IRAK1BP1: variants seen among roughly 807,000 people sequenced by gnomAD.
The protein encoded by IRAK1BP1 is interleukin 1 receptor associated kinase 1 binding protein 1.
Under a neutral mutation model 28.0 loss-of-function variants are expected in IRAK1BP1, and 24 were observed. That is an observed-to-expected ratio of 0.86 (90% CI 0.62 to 1.20). IRAK1BP1 has a LOEUF of 1.20. IRAK1BP1 is among the 50% of genes most tolerant of loss of function. IRAK1BP1 has a pLI of 0.00. For missense variants in IRAK1BP1, 336 were observed against 316.7 expected, an observed-to-expected ratio of 1.06 and a Z score of -0.46; for synonymous variants, 131 against 116.3, an observed-to-expected ratio of 1.13 and a Z score of -0.81.
chr6:78,877,426 T>C (rs1285907723), intron 1 of IRAK1BP1, among the ~76,000 whole-genome samples: 2 of 152,238 alleles, frequency 1.3e-5, no homozygotes, highest in Admixed American at 6.5e-5. Flanking sequence ...TATTTTACTA[T>C]ATAGAGAAGC....
At chr6:78,877,242 C>T (rs1173579869) in intron 1 of IRAK1BP1, among the ~76,000 whole-genome samples, 6 of 152,284 alleles carry the variant, frequency 3.9e-5, no homozygotes, top group East Asian at 1.9e-4. Flanking sequence ...CTTGTGGTTG[C>T]AGGTCTGTTA....
At chr6:78,904,147 A>T (rs1264052721), downstream of IRAK1BP1, among the ~76,000 whole-genome samples, 1 of 152,138 alleles carries the variant, frequency 6.6e-6, no homozygotes, top group Non-Finnish European at 1.5e-5. Flanking sequence ...ACATATTCAA[A>T]CTGTGTTTGC....
At chr6:78,956,943 A>G in the IRAK1BP1 span, 2 of 152,082 alleles carry the variant, frequency 1.3e-5, no homozygotes, top group Admixed American at 1.3e-4. Context: ...GTATGTATCA[A>G]TTGCTTGAAA....
the IRAK1BP1 span, among the ~76,000 whole-genome samples, chr6:78,974,063 C>T: frequency 2.0e-5 from 3 of 152,166 alleles, no homozygotes; most frequent in Middle Eastern, 3.2e-3. Flanking sequence ...CTCAAATCAA[C>T]AGAATATACA....
the IRAK1BP1 span, among the ~76,000 whole-genome samples, chr6:78,965,055 C>A: frequency 2.0e-5 from 3 of 152,130 alleles, no homozygotes; most frequent in Non-Finnish European, 4.4e-5. Context: ...ATACTCACTG[C>A]CTAAGGCTAA....
At position 78,874,863 on chromosome 6, in the gene IRAK1BP1, C is replaced by T. The variant is rs114564203; in HGVS notation, c.315+6972C>T. Among the ~76,000 whole-genome samples, 964 of 152,036 alleles carry T rather than the reference C, an allele frequency of 6.3e-3. 19 individuals carry two copies. Among genetic ancestry groups the T allele is most frequent in the African/African-American group, 0.022 (908 of 41,478 alleles). ...GAATTTTTGATGAAGACCCCAAAAG[C>T]AAATGCAACAAAATAAAAAATAGAC... On this transcript the variant is annotated intron_variant, in intron 1 of 3. Coordinates refer to ENST00000369940, the MANE Select transcript of IRAK1BP1 (RefSeq NM_001010844.4).
downstream of IRAK1BP1, among the ~76,000 whole-genome samples, chr6:78,908,056 T>TTATG (rs938913831): frequency 7.1e-6 from 1 of 141,560 alleles, no homozygotes; most frequent in African/African-American, 2.7e-5. Context: ...ATTTATTTAT[T>TTATG]TATCTATTTT....
At chr6:78,955,198 TA>T in the IRAK1BP1 span, 3 of 1,451,552 alleles carry the variant, frequency 2.1e-6, no homozygotes, top group Non-Finnish European at 2.9e-6. Flanking sequence ...TTAATTCATA[TA>T]AAGTACTTCT....
the IRAK1BP1 span, among the ~76,000 whole-genome samples, chr6:78,960,261 TACA>T: frequency 6.6e-6 from 1 of 152,168 alleles, no homozygotes; most frequent in African/African-American, 2.4e-5. Flanking sequence ...GTGAGATATT[TACA>T]ACAATATTGG....
intron 4 of IRAK1BP1, among the ~76,000 whole-genome samples, chr6:78,922,074 G>T (rs145427135): frequency 0.019 from 2,953 of 152,274 alleles, 89 homozygotes; most frequent in African/African-American, 0.067. Flanking sequence ...GCTGGATGGA[G>T]AATGAATTTG....
At chr6:78,969,948 T>G in the IRAK1BP1 span, 36 of 1,565,742 alleles carry the variant, frequency 2.3e-5, no homozygotes, top group Non-Finnish European at 3.1e-5. Flanking sequence ...ATTGATTAGG[T>G]CACATACCTA....
chr6:78,970,833 T>C, the IRAK1BP1 span: 3 of 1,612,148 alleles, frequency 1.9e-6, no homozygotes, highest in Non-Finnish European at 2.5e-6. Flanking sequence ...ACTATATATT[T>C]TATTTTTCCG....
At chr6:78,967,693 T>C in the IRAK1BP1 span, among the ~76,000 whole-genome samples, 3 of 152,212 alleles carry the variant, frequency 2.0e-5, no homozygotes, top group African/African-American at 4.8e-5. Context: ...GAGAAAATTA[T>C]GATGCTCATT....
intron 2 of IRAK1BP1, among the ~76,000 whole-genome samples, chr6:78,889,994 A>G (rs1771578651): frequency 6.6e-6 from 1 of 152,202 alleles, no homozygotes; most frequent in Non-Finnish European, 1.5e-5. Context: ...AGCACTATTT[A>G]CAACAGCAAC....
chr6:78,876,718 A>G (rs1473182421), intron 1 of IRAK1BP1, among the ~76,000 whole-genome samples: 1 of 152,138 alleles, frequency 6.6e-6, no homozygotes, highest in Non-Finnish European at 1.5e-5. Flanking sequence ...TGGCAGGTCC[A>G]TGTCTGAGGA....
chr6:78,972,804 G>A, the IRAK1BP1 span, among the ~76,000 whole-genome samples: 2 of 152,134 alleles, frequency 1.3e-5, no homozygotes, highest in African/African-American at 4.8e-5. Flanking sequence ...TGAATGAAAT[G>A]AAGCGAGAAG....
At chr6:78,963,591 A>G in the IRAK1BP1 span, among the ~76,000 whole-genome samples, 1 of 152,200 alleles carries the variant, frequency 6.6e-6, no homozygotes, top group Non-Finnish European at 1.5e-5. Flanking sequence ...TTACTTTGAT[A>G]AAGTATACAC....
At chr6:78,942,369 G>A (rs1289277387) in intron 4 of IRAK1BP1, among the ~76,000 whole-genome samples, 3 of 152,182 alleles carry the variant, frequency 2.0e-5, no homozygotes, top group African/African-American at 7.2e-5. Flanking sequence ...TGTAATCCCA[G>A]CTACTCAGGG....
chr6:78,894,064 T>C (rs534042622), intron 2 of IRAK1BP1, among the ~76,000 whole-genome samples: 10 of 152,308 alleles, frequency 6.6e-5, no homozygotes, highest in African/African-American at 2.4e-4. Context: ...ATGCTAGCTC[T>C]TGATGGTAGA....
Sources: gnomAD v4.1 joint callset for allele counts (sites outside exome capture counted in the v4.1 genomes callset) on GRCh38, gnomAD v4.1.1 for gene constraint, MANE v1.5 for transcripts, NCBI Gene and HGNC (gene_info 2026-07-23, HGNC 2026-07-21) for gene names.